AIM2: variants seen among roughly 807,000 people sequenced by gnomAD.
AIM2 encodes absent in melanoma 2.
AIM2 carries 30 observed loss-of-function variants against 27.7 expected under a neutral mutation model. That is an observed-to-expected ratio of 1.08 (90% CI 0.81 to 1.47). The LOEUF (loss-of-function observed/expected upper bound fraction) is 1.47, where lower values mean the gene tolerates loss of function less well. Ranked by LOEUF, AIM2 falls within the 40% of genes most tolerant of loss-of-function variation. The pLI is 0.00. For synonymous variants in AIM2, 141 were observed against 145.3 expected (o/e 0.97, Z 0.21); for missense variants, 358 against 411.3 (o/e 0.87, Z 1.12).
At chr1:159,108,464 T>G (rs1484792856) in intron 1 of AIM2, among the ~76,000 whole-genome samples, 4 of 152,098 alleles carry the variant, frequency 2.6e-5, no homozygotes, top group African/African-American at 9.7e-5. Context: ...TTGAAAGCAT[T>G]CCCTCTGAGA....
chr1:159,096,406 A>C (rs1251653986), intron 1 of AIM2, among the ~76,000 whole-genome samples: 1 of 151,940 alleles, frequency 6.6e-6, no homozygotes, highest in East Asian at 1.9e-4. Context: ...AGCACAATGA[A>C]TAGCTCATAG....
chr1:159,107,710 G>T (rs542036555), intron 1 of AIM2, among the ~76,000 whole-genome samples: 1 of 152,166 alleles, frequency 6.6e-6, no homozygotes, highest in African/African-American at 2.4e-5. Flanking sequence ...AATAAGAAAC[G>T]AAATGGGAGA....
chr1:159,101,229 G>A (rs759101201), intron 1 of AIM2, among the ~76,000 whole-genome samples: 1 of 152,084 alleles, frequency 6.6e-6, no homozygotes, highest in Admixed American at 6.6e-5. Flanking sequence ...CCATGATATC[G>A]AGTGGGTTCT....
At chr1:159,090,612 C>A (rs550318453) in intron 1 of AIM2, among the ~76,000 whole-genome samples, 1 of 152,288 alleles carries the variant, frequency 6.6e-6, no homozygotes, top group East Asian at 1.9e-4. Flanking sequence ...AAGTCCAAAA[C>A]TTTACCTTAA....
chr1:159,129,104 G>A lies in AIM2; in HGVS notation c.-16+11327C>T, dbSNP rs573364091. Among the ~76,000 whole-genome samples the A allele has an allele frequency of 5.3e-5, 8 of 152,222 alleles. No individual in the cohort carries two copies. In the East Asian group the frequency reaches 5.8e-4, roughly 11 times the overall value. On this transcript the variant is annotated intron_variant, in intron 1 of 2. Coordinates refer to the AIM2 transcript ENST00000368129. ...GATGAGATCATTGTAGATTTAGGGC[G>A]GGCCTGGAATCCAATGGCAGGCATC... is the stretch of plus-strand genomic sequence containing the variant.
At chr1:159,088,246 T>C (rs1656962469) in intron 1 of AIM2, among the ~76,000 whole-genome samples, 1 of 152,184 alleles carries the variant, frequency 6.6e-6, no homozygotes, top group African/African-American at 2.4e-5. Context: ...ACAGAAGTTA[T>C]GTCTCTGACA....
At chr1:159,116,172 T>G (rs7413337) in intron 1 of AIM2, among the ~76,000 whole-genome samples, 148,105 of 150,844 alleles carry the variant, frequency 0.98, 72,756 homozygotes, top group Middle Eastern at 1. Flanking sequence ...TCACTAAAAA[T>G]TCAGGAAACA....
intron 3 of AIM2, among the ~76,000 whole-genome samples, chr1:159,067,844 T>A (rs1016394594): frequency 4.6e-5 from 7 of 152,118 alleles, no homozygotes; most frequent in African/African-American, 1.4e-4. Flanking sequence ...TGGTGGATTC[T>A]GTGCTGGGCC....
At chr1:159,058,717 ATGT>A (rs1655734009), downstream of AIM2, among the ~76,000 whole-genome samples, 1 of 152,328 alleles carries the variant, frequency 6.6e-6, no homozygotes, top group Non-Finnish European at 1.5e-5. Context: ...GGCACCAAAA[ATGT>A]TGTGGGACTT....
At chr1:159,108,178 A>T (rs191887838) in intron 1 of AIM2, among the ~76,000 whole-genome samples, 5 of 152,326 alleles carry the variant, frequency 3.3e-5, no homozygotes, top group African/African-American at 1.2e-4. Flanking sequence ...AACCAAATCC[A>T]TTAACATATC....
intron 1 of AIM2, among the ~76,000 whole-genome samples, chr1:159,131,240 G>T (rs541960052): frequency 6.6e-6 from 1 of 152,264 alleles, no homozygotes; most frequent in Admixed American, 6.5e-5. Flanking sequence ...ACTTCATAAA[G>T]ACTGGATGAG....
chr1:159,128,434 T>A (rs542483500), intron 1 of AIM2, among the ~76,000 whole-genome samples: 18 of 152,216 alleles, frequency 1.2e-4, no homozygotes, highest in Non-Finnish European at 2.5e-4. Context: ...CAGATTTTTT[T>A]GTGTGTTTAA....
chr1:159,069,717 AT>A (rs1269798685), intron 2 of AIM2, among the ~76,000 whole-genome samples: 1 of 151,710 alleles, frequency 6.6e-6, no homozygotes, highest in Non-Finnish European at 1.5e-5. Flanking sequence ...TAATTTTTGT[AT>A]TTTTTTAGTA....
At chr1:159,100,762 C>T (rs1252915729) in intron 1 of AIM2, among the ~76,000 whole-genome samples, 1 of 152,178 alleles carries the variant, frequency 6.6e-6, no homozygotes, top group Non-Finnish European at 1.5e-5. Flanking sequence ...TCCTGTGACC[C>T]CGAATGAACC....
At chr1:159,058,082 G>C (rs374092320), downstream of AIM2, among the ~76,000 whole-genome samples, 1 of 152,132 alleles carries the variant, frequency 6.6e-6, no homozygotes, top group African/African-American at 2.4e-5. Context: ...GGCTGGGCAC[G>C]GTGGCTCATG....
chr1:159,089,736 A>G (rs149027474), intron 1 of AIM2, among the ~76,000 whole-genome samples: 181 of 152,336 alleles, frequency 1.2e-3, no homozygotes, highest in Non-Finnish European at 2.1e-3. Context: ...CCAGAATCAC[A>G]CAATCATAAG....
At chr1:159,057,934 G>A (rs1655712438), downstream of AIM2, among the ~76,000 whole-genome samples, 1 of 152,228 alleles carries the variant, frequency 6.6e-6, no homozygotes, top group African/African-American at 2.4e-5. Context: ...TTCACAAGGA[G>A]TCTCAGATAA....
chr1:159,076,398 T>C (rs376326090), intron 1 of AIM2, among the ~76,000 whole-genome samples: 4 of 152,320 alleles, frequency 2.6e-5, no homozygotes, highest in Admixed American at 6.5e-5. Flanking sequence ...AATAGGCTGA[T>C]AGACAAACCC....
At chr1:159,067,236 T>C (rs1174264053) in intron 3 of AIM2, among the ~76,000 whole-genome samples, 1 of 152,210 alleles carries the variant, frequency 6.6e-6, no homozygotes, top group Non-Finnish European at 1.5e-5. Flanking sequence ...CCAACATCAA[T>C]GTATTTTTTT....
Sources: gnomAD v4.1 joint callset for allele counts (sites outside exome capture counted in the v4.1 genomes callset) on GRCh38, gnomAD v4.1.1 for gene constraint, MANE v1.5 for transcripts, NCBI Gene and HGNC (gene_info 2026-07-23, HGNC 2026-07-21) for gene names.